The following RGS12 variants were observed in gnomAD, a reference collection of about 807,000 sequenced individuals.
The protein encoded by RGS12 is regulator of G-protein signaling 12.
A neutral mutation model predicts 120.1 loss-of-function variants in RGS12; 66 were observed. That is an observed-to-expected ratio of 0.55 (90% CI 0.45 to 0.67). The LOEUF is 0.67. Among genes scored for constraint, RGS12 ranks in the 30% least tolerant of loss-of-function variants. The pLI is 0.00. For synonymous variants in RGS12, 827 were observed against 804.7 expected (o/e 1.03, Z -0.47); for missense variants, 1,859 against 1,957.7 (o/e 0.95, Z 0.95).
intron 3 of RGS12, among the ~76,000 whole-genome samples, chr4:3,362,860 T>A (rs567412616): frequency 3.5e-4 from 43 of 123,066 alleles, no homozygotes; most frequent in African/African-American, 1.0e-3. Flanking sequence ...AGGGTGTGTG[T>A]GTGCGAGGGT....
intron 17 of RGS12, among the ~76,000 whole-genome samples, chr4:3,439,138 C>G (rs1001813705): frequency 6.7e-6 from 1 of 150,210 alleles, no homozygotes; most frequent in Non-Finnish European, 1.5e-5. Context: ...GCAGTTGGGG[C>G]GGGGGCTCTG....
At chr4:3,380,810 G>A (rs1199752231) in intron 3 of RGS12, among the ~76,000 whole-genome samples, 2 of 152,194 alleles carry the variant, frequency 1.3e-5, no homozygotes, top group Non-Finnish European at 2.9e-5. Context: ...TCCCTCCTCG[G>A]CCTCCAGGCC....
chr4:3,406,606 G>A (rs896216344), intron 4 of RGS12, among the ~76,000 whole-genome samples: 3 of 152,242 alleles, frequency 2.0e-5, no homozygotes, highest in Non-Finnish European at 2.9e-5. Context: ...AGAGTGCAGT[G>A]TCCTAGAAAA....
upstream of RGS12, among the ~76,000 whole-genome samples, chr4:3,291,830 G>A (rs907585164): frequency 2.0e-5 from 3 of 152,176 alleles, no homozygotes; most frequent in African/African-American, 7.2e-5. Context: ...ATTCAGCACC[G>A]CCCTGTGGCT....
Position 3,318,078 on chromosome 4 carries a change from C to A in RGS12, c.1881+27C>A, listed in dbSNP as rs372211220. The A allele has an allele frequency of 1.9e-5, 30 of 1,547,154 alleles. No individual in the cohort carries two copies. In the African/African-American group the frequency reaches 3.9e-4, roughly 20 times the overall value. On this transcript the variant is annotated intron_variant, in intron 2 of 17. Coordinates refer to ENST00000336727, the MANE Select transcript of RGS12 (RefSeq NM_001394154.1). Reference sequence around the variant, plus strand: ...TAAGCCTGCCAGGAGCCACTCAGCGCGGAGGCCCGGCCTCCTCACTTAGCA... The same window carrying A: ...TAAGCCTGCCAGGAGCCACTCAGCGAGGAGGCCCGGCCTCCTCACTTAGCA...
At chr4:3,292,466 C>T (rs534574205), upstream of RGS12, among the ~76,000 whole-genome samples, 3 of 152,320 alleles carry the variant, frequency 2.0e-5, no homozygotes, top group East Asian at 5.8e-4. Context: ...CACGCCGCCC[C>T]CGAAGCTGCC....
At chr4:3,327,346 C>G (rs968154559) in intron 2 of RGS12, among the ~76,000 whole-genome samples, 2 of 152,068 alleles carry the variant, frequency 1.3e-5, no homozygotes, top group African/African-American at 4.8e-5. Flanking sequence ...AGAAGAAAAC[C>G]TAGGGAAACT....
intron 3 of RGS12, among the ~76,000 whole-genome samples, chr4:3,381,892 G>A (rs1718300820): frequency 6.6e-6 from 1 of 152,196 alleles, no homozygotes; most frequent in East Asian, 1.9e-4. Flanking sequence ...GAATCTTACT[G>A]CTTTTGTTTA....
At chr4:3,430,381 G>A (rs760828473) in intron 16 of RGS12, 26 bp from the exon 17 acceptor site, 8 of 1,583,332 alleles carry the variant, frequency 5.1e-6, no homozygotes, top group South Asian at 1.1e-5. Flanking sequence ...TCTAAAACAC[G>A]GTCACTCTGG....
At chr4:3,363,469 G>A (rs994777234) in intron 3 of RGS12, among the ~76,000 whole-genome samples, 1 of 151,748 alleles carries the variant, frequency 6.6e-6, no homozygotes, top group Admixed American at 6.6e-5. Context: ...GTTGACTCCC[G>A]GTAAGGAGCC....
intron 10 of RGS12, among the ~76,000 whole-genome samples, chr4:3,421,359 TTTC>T (rs1203509222): frequency 1.3e-5 from 2 of 152,246 alleles, no homozygotes; most frequent in Non-Finnish European, 2.9e-5. Context: ...TAGAATATAA[TTTC>T]TTCTTCAGTT....
At chr4:3,346,185 C>T (rs1713774868) in intron 3 of RGS12, among the ~76,000 whole-genome samples, 1 of 152,136 alleles carries the variant, frequency 6.6e-6, no homozygotes, top group South Asian at 2.1e-4. Flanking sequence ...TCTAGTGTCC[C>T]ATGACTGAGT....
chr4:3,434,117 C>T (rs1323571135), intron 17 of RGS12, among the ~76,000 whole-genome samples: 1 of 152,192 alleles, frequency 6.6e-6, no homozygotes, highest in East Asian at 1.9e-4. Flanking sequence ...GTGTAATTGA[C>T]CCACAGTTCT....
At chr4:3,286,634 C>T in the RGS12 span, among the ~76,000 whole-genome samples, 1 of 152,182 alleles carries the variant, frequency 6.6e-6, no homozygotes, top group African/African-American at 2.4e-5. Context: ...CAGGTGGATG[C>T]AGGGCGAGGG....
intron 1 of RGS12, among the ~76,000 whole-genome samples, chr4:3,295,922 T>TG (rs1252469305): frequency 1.3e-5 from 2 of 152,224 alleles, no homozygotes; most frequent in Non-Finnish European, 2.9e-5. Flanking sequence ...TGGCTGAAAA[T>TG]GGCAAAAGTT....
intron 14 of RGS12, among the ~76,000 whole-genome samples, chr4:3,426,982 G>T (rs1249773918): frequency 6.6e-6 from 1 of 152,166 alleles, no homozygotes; most frequent in Non-Finnish European, 1.5e-5. Flanking sequence ...GGAGCACGTG[G>T]CTCACTTGTC....
upstream of RGS12, among the ~76,000 whole-genome samples, chr4:3,292,094 C>T (rs1182646970): frequency 6.6e-6 from 1 of 152,126 alleles, no homozygotes; most frequent in Non-Finnish European, 1.5e-5. Flanking sequence ...AGGGCTGGAG[C>T]GTGAACAGCA....
intron 17 of RGS12, among the ~76,000 whole-genome samples, chr4:3,438,337 C>T (rs896272957): frequency 2.6e-5 from 4 of 151,206 alleles, no homozygotes; most frequent in African/African-American, 9.9e-5. Context: ...GCCTGCTCCT[C>T]TGGGTCGGCA....
intron 13 of RGS12, chr4:3,423,842 T>G: frequency 3.3e-6 from 2 of 611,200 alleles, no homozygotes; most frequent in Non-Finnish European, 5.4e-6. Context: ...GGTTTATTTG[T>G]ACCTTGGTCA....
Sources: gnomAD v4.1 joint callset for allele counts (sites outside exome capture counted in the v4.1 genomes callset) on GRCh38, gnomAD v4.1.1 for gene constraint, MANE v1.5 for transcripts, NCBI Gene and HGNC (gene_info 2026-07-23, HGNC 2026-07-21) for gene names.